KCTD5: variants seen among roughly 807,000 people sequenced by gnomAD.
KCTD5 encodes potassium channel tetramerization domain containing 5.
In KCTD5, 12 loss-of-function variants were observed where a neutral mutation model predicts 27.9. That is an observed-to-expected ratio of 0.43 (90% CI 0.28 to 0.70). KCTD5 has a LOEUF of 0.70. Ranked by LOEUF, KCTD5 falls within the 30% of genes least tolerant of loss-of-function variation. The pLI is 0.19. For missense variants in KCTD5, 226 were observed against 274.8 expected (o/e 0.82, Z 1.26); for synonymous variants, 147 against 121.4 (o/e 1.21, Z -1.39).
chr16:2,682,987 G>A, intron 1 of KCTD5, 187 bp downstream of exon 1: 1 of 629,326 alleles, frequency 1.6e-6, no homozygotes, highest in Non-Finnish European at 2.5e-6. Context: ...GGAGGGGAGG[G>A]TGAGGATGGC....
intron 1 of KCTD5, among the ~76,000 whole-genome samples, chr16:2,693,014 G>C (rs777387497): frequency 1.3e-5 from 2 of 152,240 alleles, no homozygotes; most frequent in Non-Finnish European, 2.9e-5. Context: ...GAACCCCAGG[G>C]CTGCAGCCCC....
At chr16:2,690,543 C>T (rs1292381729) in intron 1 of KCTD5, among the ~76,000 whole-genome samples, 1 of 152,238 alleles carries the variant, frequency 6.6e-6, no homozygotes, top group Admixed American at 6.5e-5. Context: ...AAAACCACCA[C>T]GAACCTTCCT....
intron 4 of KCTD5, among the ~76,000 whole-genome samples, chr16:2,702,018 C>T (rs945588893): frequency 2.6e-5 from 4 of 152,202 alleles, no homozygotes; most frequent in African/African-American, 9.7e-5. Context: ...CTCCACTCTC[C>T]TCCCGCTGCC....
intron 5 of KCTD5, among the ~76,000 whole-genome samples, chr16:2,705,242 A>G (rs1428198369): frequency 6.6e-6 from 1 of 152,028 alleles, no homozygotes; most frequent in Non-Finnish European, 1.5e-5. Flanking sequence ...GACCCTTGCC[A>G]CAGACCCTCC....
chr16:2,687,881 C>T (rs888627253), intron 1 of KCTD5, among the ~76,000 whole-genome samples: 2 of 152,158 alleles, frequency 1.3e-5, no homozygotes, highest in Non-Finnish European at 2.9e-5. Context: ...CATGCTTGTT[C>T]TCCCTGGGCG....
At chr16:2,702,251 G>A (rs2067615398) in intron 4 of KCTD5, 102 bp from the exon 5 acceptor site, 3 of 1,454,846 alleles carry the variant, frequency 2.1e-6, no homozygotes, top group East Asian at 2.3e-5. Context: ...AGTCTTTGCT[G>A]TGGCTTTCGC....
intron 1 of KCTD5, chr16:2,684,622 A>G (rs1317461081): frequency 2.6e-5 from 4 of 152,046 alleles, no homozygotes; most frequent in Admixed American, 1.3e-4. Flanking sequence ...AAAATGAGCC[A>G]GGCGCGGTGG....
In KCTD5 at chr16:2,682,617, C is replaced by A. The variant is rs1158263814; in HGVS notation, c.69C>A (p.Gly23=). The A allele has an allele frequency of 1.3e-6, 2 of 1,546,654 alleles. No individual in the cohort carries two copies. Among genetic ancestry groups the A allele is most frequent in the Non-Finnish European group, 1.7e-6 (2 of 1,151,602 alleles). The change falls in exon 1 of 6, where the codon GGC becomes GGA. Residue 23 remains glycine (G), a synonymous_variant. Transcript: ENST00000301738. ...RGGIGAGLGG[G]LCRRCSAGLG... ...GCATCGGGGCGGGGCTGGGGGGCGG[C>A]CTGTGCCGCCGCTGCAGCGCTGGGC...
At chr16:2,701,425 G>A (rs2067611613) in intron 4 of KCTD5, among the ~76,000 whole-genome samples, 1 of 152,200 alleles carries the variant, frequency 6.6e-6, no homozygotes, top group Admixed American at 6.5e-5. Flanking sequence ...GGGATTGCAA[G>A]CAGGGCTTGG....
intron 2 of KCTD5, among the ~76,000 whole-genome samples, chr16:2,696,964 CT>C (rs1342794712): frequency 6.6e-6 from 1 of 152,238 alleles, no homozygotes; most frequent in Non-Finnish European, 1.5e-5. Context: ...CATTCTGCCC[CT>C]AGTGGGATTG....
At chr16:2,693,144 C>A (rs1272278903) in intron 1 of KCTD5, among the ~76,000 whole-genome samples, 1 of 152,232 alleles carries the variant, frequency 6.6e-6, no homozygotes, top group Non-Finnish European at 1.5e-5. Context: ...CACTACCCAC[C>A]CCAGGCCCCC....
chr16:2,687,360 C>G (rs781615294), intron 1 of KCTD5, among the ~76,000 whole-genome samples: 14 of 152,204 alleles, frequency 9.2e-5, no homozygotes, highest in Non-Finnish European at 2.1e-4. Flanking sequence ...ATTCTCGCCT[C>G]CAGACTTCTG....
At chr16:2,696,504 TG>T (rs757319299) in intron 2 of KCTD5, among the ~76,000 whole-genome samples, 24 of 152,228 alleles carry the variant, frequency 1.6e-4, no homozygotes, top group Non-Finnish European at 2.6e-4. Context: ...TGCTGCCAGC[TG>T]CCGTGTTCCA....
intron 1 of KCTD5, among the ~76,000 whole-genome samples, chr16:2,693,259 C>T (rs764542833): frequency 9.2e-5 from 14 of 152,176 alleles, no homozygotes; most frequent in Non-Finnish European, 1.5e-4. Context: ...GGGGTCTGTT[C>T]GCCTCCTCCC....
rs1321212779 is a variant in KCTD5 at position 2,682,603 on chromosome 16, G to C, written c.55G>C (p.Gly19Arg). ...LSPARGGIGA[G>R]LGGGLCRRCS... Reference sequence around the variant, plus strand: ...GCCGGCCCGGGGCGGCATCGGGGCGGGGCTGGGGGGCGGCCTGTGCCGCCG... The same window carrying C: ...GCCGGCCCGGGGCGGCATCGGGGCGCGGCTGGGGGGCGGCCTGTGCCGCCG... Residue 19 changes from glycine to arginine, a missense_variant, in exon 1 of 6, where the codon GGG becomes CGG. Transcript: ENST00000301738. 3 of 1,509,704 alleles carry C rather than the reference G, an allele frequency of 2.0e-6. No homozygotes were observed. Among genetic ancestry groups the C allele is most frequent in the East Asian group, 5.4e-5 (2 of 37,070 alleles). The allele number at this position is 1,509,704 out of a possible 1,614,324, so 93.5% of individuals were successfully genotyped here.
At chr16:2,693,938 T>A (rs111996924) in intron 1 of KCTD5, among the ~76,000 whole-genome samples, 1 of 140,476 alleles carries the variant, frequency 7.1e-6, no homozygotes, top group Non-Finnish European at 1.6e-5. Context: ...GACAAAGGGG[T>A]TCTCTGGGGT....
At position 2,702,347 on chromosome 16, in the gene KCTD5, T is replaced by C. The variant is rs200209977; in HGVS notation, c.550-6T>C. ...GGGCTGCGTCTCAGGCTATGTCTCCTTGCAGTTGGTCAGCATCGGCTCCTC... is the reference window on the plus strand; with the variant it reads ...GGGCTGCGTCTCAGGCTATGTCTCCCTGCAGTTGGTCAGCATCGGCTCCTC... On this transcript the variant is annotated splice_polypyrimidine_tract_variant and splice_region_variant and intron_variant, in intron 4 of 5. Transcript: ENST00000301738. 2 of 1,613,482 alleles carry C rather than the reference T, an allele frequency of 1.2e-6. No individual in the cohort carries two copies. Among genetic ancestry groups the C allele is most frequent in the African/African-American group, 2.7e-5 (2 of 75,052 alleles).
chr16:2,700,027 C>A, intron 4 of KCTD5, 111 bp downstream of exon 4: 2 of 999,662 alleles, frequency 2.0e-6, no homozygotes, highest in South Asian at 1.4e-5. Context: ...TGGCGTCTTC[C>A]TGCAGTTCTG....
intron 1 of KCTD5, among the ~76,000 whole-genome samples, chr16:2,684,988 G>T (rs969713996): frequency 6.6e-6 from 1 of 152,122 alleles, no homozygotes; most frequent in African/African-American, 2.4e-5. Flanking sequence ...TGAGCGAGGG[G>T]TAATTAATCT....
Sources: allele counts gnomAD v4.1 joint callset (sites outside exome capture counted in the v4.1 genomes callset), GRCh38; gene constraint gnomAD v4.1.1; transcripts MANE v1.5; gene names NCBI Gene and HGNC (gene_info 2026-07-23, HGNC 2026-07-21).